PRKCB: variants seen among roughly 807,000 people sequenced by gnomAD.
The protein encoded by PRKCB is protein kinase C beta type.
In PRKCB, 13 loss-of-function variants were observed where a neutral mutation model predicts 81.5. That is an observed-to-expected ratio of 0.16 (90% CI 0.10 to 0.25). The LOEUF (loss-of-function observed/expected upper bound fraction) is 0.25, where lower values mean the gene tolerates loss of function less well. PRKCB is among the 10% of genes least tolerant of loss of function. The pLI is 1.00. For missense variants in PRKCB, 509 were observed against 875.7 expected (o/e 0.58, Z 5.29); for synonymous variants, 335 against 321.4 (o/e 1.04, Z -0.45).
chr16:24,065,022 G>T (rs2141880305), intron 5 of PRKCB, among the ~76,000 whole-genome samples: 1 of 146,438 alleles, frequency 6.8e-6, no homozygotes, highest in East Asian at 2.0e-4. Flanking sequence ...AGACTGAAAG[G>T]GAAAAGGGGG....
chr16:24,193,632 A>G (rs1967833354), intron 16 of PRKCB, among the ~76,000 whole-genome samples: 5 of 152,032 alleles, frequency 3.3e-5, no homozygotes, highest in Admixed American at 3.3e-4. Flanking sequence ...TCATCTCTTT[A>G]AGTGGAAGAC....
intron 2 of PRKCB, among the ~76,000 whole-genome samples, chr16:23,872,349 C>T (rs1363112194): frequency 2.0e-5 from 3 of 152,172 alleles, no homozygotes; most frequent in Admixed American, 2.0e-4. Context: ...AAGACTTCGT[C>T]TTTACAAAAA....
Position 23,888,818 on chromosome 16 carries a change from G to A in PRKCB, c.205+51412G>A, listed in dbSNP as rs555611813. Among the ~76,000 whole-genome samples the A allele has an allele frequency of 2.1e-3, 319 of 152,186 alleles. 1 individual carries two copies. The highest frequency in any genetic ancestry group is 3.8e-3 in the Non-Finnish European group (258 of 67,996). Reference sequence around the variant, plus strand: ...CTTGAAGTTGCAAGAGGGCTGGAAGGGTCTCACTAGCAAGCACACATTATG... The same window carrying A: ...CTTGAAGTTGCAAGAGGGCTGGAAGAGTCTCACTAGCAAGCACACATTATG... On this transcript the variant is annotated intron_variant, in intron 2 of 16. Transcript: ENST00000643927.
intron 3 of PRKCB, among the ~76,000 whole-genome samples, chr16:24,010,506 C>T (rs915852010): frequency 1.3e-5 from 2 of 152,160 alleles, no homozygotes; most frequent in Non-Finnish European, 2.9e-5. Flanking sequence ...TAAATTTAGT[C>T]AAATGGGCTT....
chr16:23,993,482 G>T (rs563398859), intron 3 of PRKCB, among the ~76,000 whole-genome samples: 184 of 152,270 alleles, frequency 1.2e-3, no homozygotes, highest in African/African-American at 4.2e-3. Context: ...TGCCAGAGTG[G>T]ATTTGTCATT....
rs189592180 is a variant in PRKCB, at chr16:23,939,609, T to C, written c.206-48899T>C. On this transcript the variant is annotated intron_variant, in intron 2 of 16. Coordinates refer to ENST00000643927, the MANE Select transcript of PRKCB (RefSeq NM_002738.7). ...GCACAAAAGGAGTTCAATGGAGAAA[T>C]GAATTTTCAACACATAGTGCTAGAA... Among the ~76,000 whole-genome samples, 12 of 152,280 alleles carry C rather than the reference T, an allele frequency of 7.9e-5. No individual in the cohort carries two copies. The South Asian group carries it at 8.3e-4, about 11-fold the overall frequency.
intron 7 of PRKCB, among the ~76,000 whole-genome samples, chr16:24,112,310 C>G (rs1966685149): frequency 6.6e-6 from 1 of 152,138 alleles, no homozygotes; most frequent in South Asian, 2.1e-4. Flanking sequence ...GAGAAGATCA[C>G]TTGAGGTCAG....
chr16:24,044,080 C>T (rs1158166321), intron 5 of PRKCB, among the ~76,000 whole-genome samples: 3 of 152,142 alleles, frequency 2.0e-5, no homozygotes, highest in East Asian at 1.9e-4. Context: ...TTAGGCCAGG[C>T]GCGGTGGCTC....
intron 2 of PRKCB, among the ~76,000 whole-genome samples, chr16:23,959,850 T>C (rs1489798054): frequency 6.6e-6 from 1 of 152,174 alleles, no homozygotes; most frequent in Admixed American, 6.5e-5. Flanking sequence ...TTCAAGGTAG[T>C]TCTAGGCGAT....
chr16:23,853,389 A>C (rs1962506247), intron 2 of PRKCB, among the ~76,000 whole-genome samples: 1 of 152,152 alleles, frequency 6.6e-6, no homozygotes. Flanking sequence ...GAGAAAGCAC[A>C]CTCATTTCAC....
intron 7 of PRKCB, among the ~76,000 whole-genome samples, chr16:24,101,763 C>A (rs562430472): frequency 1.9e-4 from 29 of 152,178 alleles, no homozygotes; most frequent in Non-Finnish European, 4.0e-4. Flanking sequence ...CCACACATGC[C>A]ATATCCTTCT....
At chr16:24,135,808 C>T (rs1476816766) in intron 9 of PRKCB, among the ~76,000 whole-genome samples, 1 of 152,204 alleles carries the variant, frequency 6.6e-6, no homozygotes, top group Non-Finnish European at 1.5e-5. Flanking sequence ...TACATACATA[C>T]ATTAGATGTG....
chr16:23,987,861 G>A (rs1338129441), intron 2 of PRKCB, among the ~76,000 whole-genome samples: 1 of 152,156 alleles, frequency 6.6e-6, no homozygotes, highest in Non-Finnish European at 1.5e-5. Flanking sequence ...CTCCCCCAGA[G>A]GGATATAACC....
rs545404498 is a variant in PRKCB, at chr16:23,885,395, G to A, written c.205+47989G>A. ...ATGATCTCGGCTCACTGCAGTCTCC[G>A]CCTCCCTAGTTCAAGCCATTCTCCT... On this transcript the variant is annotated intron_variant, in intron 2 of 16. Transcript: ENST00000643927. 6.6e-5 allele frequency among the ~76,000 whole-genome samples: 10 copies of A among 151,966 alleles called. No homozygotes were observed. In the South Asian group the frequency reaches 1.2e-3, roughly 19 times the overall value.
chr16:23,866,550 A>G (rs1235865545), intron 2 of PRKCB, among the ~76,000 whole-genome samples: 1 of 152,164 alleles, frequency 6.6e-6, no homozygotes, highest in Non-Finnish European at 1.5e-5. Flanking sequence ...CCAAAGTCTG[A>G]ACTTTCTCCC....
chr16:24,081,731 G>A (rs550220169), intron 5 of PRKCB, among the ~76,000 whole-genome samples: 12 of 152,062 alleles, frequency 7.9e-5, no homozygotes, highest in East Asian at 1.9e-4. Flanking sequence ...AAAATTAGTC[G>A]GGCGTGGTGG....
At chr16:24,077,571 C>T (rs944828253) in intron 5 of PRKCB, among the ~76,000 whole-genome samples, 3 of 152,166 alleles carry the variant, frequency 2.0e-5, no homozygotes, top group African/African-American at 7.2e-5. Flanking sequence ...ATCCATCCAT[C>T]CACTCAGCCA....
At chr16:23,919,808 T>A (rs966233933) in intron 2 of PRKCB, among the ~76,000 whole-genome samples, 3 of 152,238 alleles carry the variant, frequency 2.0e-5, no homozygotes, top group African/African-American at 7.2e-5. Flanking sequence ...TCAAGGTTGA[T>A]CCACATTGTT....
chr16:24,044,406 A>G (rs2141864581), intron 5 of PRKCB, among the ~76,000 whole-genome samples: 1 of 152,296 alleles, frequency 6.6e-6, no homozygotes, highest in Admixed American at 6.5e-5. Flanking sequence ...GAAAATGAGT[A>G]TAATTTTTGA....
Sources: gnomAD v4.1 joint callset for allele counts (sites outside exome capture counted in the v4.1 genomes callset) on GRCh38, gnomAD v4.1.1 for gene constraint, MANE v1.5 for transcripts, NCBI Gene and HGNC (gene_info 2026-07-23, HGNC 2026-07-21) for gene names.